The following SLC11A2 variants were observed in gnomAD, a reference collection of about 807,000 sequenced individuals.
SLC11A2 encodes the protein solute carrier family 11 member 2.
SLC11A2 carries 38 observed loss-of-function variants against 68.0 expected under a neutral mutation model. The observed-to-expected ratio is 0.56, with a 90% CI of 0.43 to 0.73. SLC11A2 has a LOEUF of 0.73. Ranked by LOEUF, SLC11A2 falls within the 30% of genes least tolerant of loss-of-function variation. The probability of loss-of-function intolerance (pLI) is 0.00; values close to 1 mark genes in which losing one functional copy is unlikely to be tolerated. For synonymous variants in SLC11A2, 242 were observed against 250.6 expected, an observed-to-expected ratio of 0.97 and a Z score of 0.32; for missense variants, 517 against 690.5, an observed-to-expected ratio of 0.75 and a Z score of 2.82.
chr12:51,013,851 T>A (rs1432444394), intron 1 of SLC11A2, among the ~76,000 whole-genome samples: 1 of 151,974 alleles, frequency 6.6e-6, no homozygotes, highest in African/African-American at 2.4e-5. Context: ...AGATGGAGTC[T>A]CACTCCGTCA....
rs1405668715 is a variant in SLC11A2, at chr12:50,988,022, T to C, written c.*303A>G. On this transcript the variant is annotated 3_prime_UTR_variant, in exon 16 of 16. Coordinates refer to ENST00000262052, the MANE Select transcript of SLC11A2 (RefSeq NM_000617.3). ...GCCTGGTTAAGAATCATGCATATCC[T>C]TGTCTCTCCGAAGGATAAACTGAGC... 1.5e-6 allele frequency: 2 copies of C among 1,356,876 alleles called. No homozygotes were observed. The highest frequency in any genetic ancestry group is 4.4e-5 in the Admixed American group (2 of 45,650). The allele number at this position is 1,356,876 out of a possible 1,614,324, so 84.1% of individuals were successfully genotyped here. A position where few individuals can be genotyped will look rare whatever the true frequency, so the allele number is the denominator to read the frequency against.
chr12:50,987,614 A>G lies in SLC11A2; in HGVS notation c.*711T>C. ...ATTAAGACTCCCAAGAAATCCTCAT[A>G]AGCTTTTCAATCTGAGGAAAATCCT... is the stretch of plus-strand genomic sequence containing the variant. On this transcript the variant is annotated 3_prime_UTR_variant, in exon 16 of 16. Transcript: ENST00000262052. 7.8e-7 allele frequency: 1 copy of G among 1,287,204 alleles called. No homozygotes were observed. Among genetic ancestry groups the G allele is most frequent in the Non-Finnish European group, 1.0e-6 (1 of 988,676 alleles). 79.7% of individuals were successfully genotyped at this position (1,287,204 alleles called of 1,614,324 possible).
the SLC11A2 span, among the ~76,000 whole-genome samples, chr12:50,974,054 GA>G: frequency 6.6e-6 from 1 of 152,174 alleles, no homozygotes; most frequent in African/African-American, 2.4e-5. Flanking sequence ...AACCAAGTTG[GA>G]AAACACTCTG....
chr12:51,019,698 A>T (rs1249589887), intron 1 of SLC11A2, among the ~76,000 whole-genome samples: 4 of 136,730 alleles, frequency 2.9e-5, no homozygotes, highest in Non-Finnish European at 6.0e-5. Context: ...CCCAGGCTGG[A>T]GTGCAGTGGC....
intron 6 of SLC11A2, among the ~76,000 whole-genome samples, chr12:50,999,779 C>A (rs1262180020): frequency 6.6e-6 from 1 of 151,944 alleles, no homozygotes; most frequent in African/African-American, 2.4e-5. Flanking sequence ...CTGAGGCGGG[C>A]ATTCCTAGAC....
At chr12:50,962,003 A>G in the SLC11A2 span, among the ~76,000 whole-genome samples, 1 of 152,220 alleles carries the variant, frequency 6.6e-6, no homozygotes, top group African/African-American at 2.4e-5. Context: ...AATATGACTC[A>G]GTCCCTACCC....
rs1486361506 is a variant in SLC11A2, at chr12:50,986,701, C to T, written c.*1624G>A. On this transcript the variant is annotated 3_prime_UTR_variant, in exon 16 of 16. Transcript: ENST00000262052. ...GAATTACGATGGTAAGGGGAAGAGG[C>T]AGATATGAAGAGGAATGGTTAGGGG... 11 of 1,286,872 alleles carry T rather than the reference C, an allele frequency of 8.5e-6. No individual in the cohort carries two copies. The highest frequency in any genetic ancestry group is 1.1e-5 in the Non-Finnish European group (11 of 988,526). The allele number at this position is 1,286,872 out of a possible 1,614,324, so 79.7% of individuals were successfully genotyped here.
chr12:50,986,206 C>T lies in SLC11A2; in HGVS notation c.*2119G>A, dbSNP rs1206591802. ...AACAAGAACCAATTTATATAAAGTACAATTGTATATCCTTAAACATTCCAC... is the reference window on the plus strand; with the variant it reads ...AACAAGAACCAATTTATATAAAGTATAATTGTATATCCTTAAACATTCCAC... On this transcript the variant is annotated 3_prime_UTR_variant, in exon 16 of 16. Transcript: ENST00000262052. The T allele has an allele frequency of 1.6e-6, 2 of 1,283,158 alleles. No individual in the cohort carries two copies. The highest frequency in any genetic ancestry group is 2.3e-5 in the Admixed American group (1 of 43,498). The allele number at this position is 1,283,158 out of a possible 1,614,324, so 79.5% of individuals were successfully genotyped here.
the SLC11A2 span, among the ~76,000 whole-genome samples, chr12:50,964,147 A>T: frequency 6.6e-6 from 1 of 152,138 alleles, no homozygotes; most frequent in Non-Finnish European, 1.5e-5. Flanking sequence ...TGGGGAATAG[A>T]AAAAAATTGG....
intron 2 of SLC11A2, among the ~76,000 whole-genome samples, chr12:51,009,614 T>C (rs1943038785): frequency 6.6e-6 from 1 of 152,166 alleles, no homozygotes; most frequent in Admixed American, 6.5e-5. Flanking sequence ...GAACAGAAAT[T>C]CCAAAGAAGC....
chr12:51,021,650 A>G (rs1230032949), intron 1 of SLC11A2, among the ~76,000 whole-genome samples: 3 of 152,014 alleles, frequency 2.0e-5, no homozygotes, highest in Non-Finnish European at 4.4e-5. Flanking sequence ...GACAACCACA[A>G]CTTCAACTCA....
At position 50,986,738 on chromosome 12, in the gene SLC11A2, A is replaced by T; in HGVS notation, c.*1587T>A. 1 of 1,287,166 alleles carries T rather than the reference A, an allele frequency of 7.8e-7. No homozygotes were observed. The highest frequency in any genetic ancestry group is 1.0e-6 in the Non-Finnish European group (1 of 988,648). 79.7% of individuals were successfully genotyped at this position (1,287,166 alleles called of 1,614,324 possible). A position where few individuals can be genotyped will look rare whatever the true frequency, so the allele number is the denominator to read the frequency against. On this transcript the variant is annotated 3_prime_UTR_variant, in exon 16 of 16. Coordinates refer to ENST00000262052, the MANE Select transcript of SLC11A2 (RefSeq NM_000617.3). The stretch of plus-strand genomic sequence containing the variant: ...GGAATGGTTAGGGGAATTGTCATTC[A>T]TAACTCTGTGCTATATTACTTGAGG...
At chr12:50,959,703 A>G in the SLC11A2 span, among the ~76,000 whole-genome samples, 1 of 152,188 alleles carries the variant, frequency 6.6e-6, no homozygotes, top group African/African-American at 2.4e-5. Context: ...GCTGGAGTGC[A>G]GTAGCATTAT....
In SLC11A2 at chr12:50,992,846, G is replaced by C; in HGVS notation, c.1161C>G (p.Thr387=). The change falls in exon 12 of 16, where the codon ACC becomes ACG. Residue 387 remains threonine, a synonymous_variant. Coordinates refer to ENST00000262052, the MANE Select transcript of SLC11A2 (RefSeq NM_000617.3). ...VGILAAGQSS[T]MTGTYSGQFV... is the part of the protein sequence containing the mutation. ...ACTGGCCAGAATAGGTTCCTGTCAT[G>C]GTGGAGCTCTGTCCTGCAGCCAGGA... 1.9e-6 allele frequency: 3 copies of C among 1,613,852 alleles called. No individual in the cohort carries two copies. The highest frequency in any genetic ancestry group is 1.3e-5 in the African/African-American group (1 of 74,930).
At chr12:51,008,223 CAGATAGAT>C (rs10602867) in intron 3 of SLC11A2, 21,359 of 359,190 alleles carry the variant, frequency 0.059, 1,390 homozygotes, top group East Asian at 0.31. Flanking sequence ...ATTAGATAGA[CAGATAGAT>C]AGATAGATAG....
At chr12:51,026,117 C>T in intron 1 of SLC11A2, 193 bp downstream of exon 1, 3 of 1,102,922 alleles carry the variant, frequency 2.7e-6, no homozygotes, top group Non-Finnish European at 3.3e-6. Context: ...CTCTGAATGG[C>T]GCGACTCCAT....
rs1249420140 is a variant in SLC11A2, at chr12:50,986,069, C to G, written c.*2256G>C. On this transcript the variant is annotated 3_prime_UTR_variant, in exon 16 of 16. Transcript: ENST00000262052. The stretch of plus-strand genomic sequence containing the variant: ...TGGTTACTAAAAGCTCAGTTGTAAC[C>G]ACTCCTAACACCACTAGCAGAACCT... 1 of 1,277,322 alleles carries G rather than the reference C, an allele frequency of 7.8e-7. No homozygotes were observed. The highest frequency in any genetic ancestry group is 1.5e-5 in the African/African-American group (1 of 65,266). 79.1% of individuals were successfully genotyped at this position (1,277,322 alleles called of 1,614,324 possible). A position where few individuals can be genotyped will look rare whatever the true frequency, so the allele number is the denominator to read the frequency against.
At chr12:51,019,094 T>C (rs1303786636) in intron 1 of SLC11A2, among the ~76,000 whole-genome samples, 2 of 152,214 alleles carry the variant, frequency 1.3e-5, no homozygotes, top group East Asian at 3.8e-4. Context: ...TCAAGCTACA[T>C]GGCAAAGCCA....
the SLC11A2 span, among the ~76,000 whole-genome samples, chr12:50,955,874 T>C: frequency 7.2e-5 from 11 of 152,208 alleles, no homozygotes; most frequent in African/African-American, 2.2e-4. Context: ...ACTGTGCCTG[T>C]TGTATATTAA....
Sources: allele counts gnomAD v4.1 joint callset (sites outside exome capture counted in the v4.1 genomes callset), GRCh38; gene constraint gnomAD v4.1.1; transcripts MANE v1.5; gene names NCBI Gene and HGNC (gene_info 2026-07-23, HGNC 2026-07-21).